Variants in TNFSF4 observed in about 807,000 individuals in gnomAD.
TNFSF4 encodes TNF superfamily member 4, also known as tumor necrosis factor ligand superfamily member 4.
Under a neutral mutation model 7.3 loss-of-function variants are expected in TNFSF4, and 4 were observed. The ratio of observed to expected loss-of-function variants is 0.55; its 90% CI spans 0.27 to 1.25. The LOEUF (loss-of-function observed/expected upper bound fraction) is 1.25. Ranked by LOEUF, TNFSF4 falls within the 50% of genes most tolerant of loss-of-function variation. The probability of loss-of-function intolerance (pLI) is 0.12; values close to 1 mark genes in which losing one functional copy is unlikely to be tolerated. For missense variants in TNFSF4, 181 were observed against 208.8 expected, an observed-to-expected ratio of 0.87 and a Z score of 0.82; for synonymous variants, 76 against 83.7, an observed-to-expected ratio of 0.91 and a Z score of 0.50.
the TNFSF4 span, among the ~76,000 whole-genome samples, chr1:173,232,319 G>A: frequency 6.6e-6 from 1 of 152,164 alleles, no homozygotes; most frequent in African/African-American, 2.4e-5. Flanking sequence ...CATTGATTTT[G>A]TATCCTGAGA....
At chr1:173,231,627 A>C in the TNFSF4 span, among the ~76,000 whole-genome samples, 3 of 152,118 alleles carry the variant, frequency 2.0e-5, no homozygotes, top group African/African-American at 7.2e-5. Flanking sequence ...AATAAAAGGA[A>C]TTTTATTTAT....
chr1:173,246,101 T>C, the TNFSF4 span, among the ~76,000 whole-genome samples: 1 of 152,202 alleles, frequency 6.6e-6, no homozygotes, highest in Admixed American at 6.5e-5. Flanking sequence ...AGTAGGGGAA[T>C]TGCTGGATCT....
the TNFSF4 span, among the ~76,000 whole-genome samples, chr1:173,353,480 T>C: frequency 6.6e-6 from 1 of 152,334 alleles, no homozygotes; most frequent in Non-Finnish European, 1.5e-5. Flanking sequence ...CATGTGTGTA[T>C]GGCTAAAATT....
At chr1:173,214,805 A>G in the TNFSF4 span, among the ~76,000 whole-genome samples, 1 of 152,134 alleles carries the variant, frequency 6.6e-6, no homozygotes, top group Admixed American at 6.5e-5. Context: ...CTTTCATTCA[A>G]TCCTCCTGCG....
At chr1:173,428,023 C>T in the TNFSF4 span, among the ~76,000 whole-genome samples, 1 of 150,388 alleles carries the variant, frequency 6.6e-6, no homozygotes, top group Non-Finnish European at 1.5e-5. Context: ...TCTTGGCTCA[C>T]TGCAACCTTC....
At chr1:173,415,427 G>C in the TNFSF4 span, among the ~76,000 whole-genome samples, 2 of 152,212 alleles carry the variant, frequency 1.3e-5, no homozygotes, top group African/African-American at 4.8e-5. Context: ...TTAGGAAAAG[G>C]AAGATAGAAG....
chr1:173,341,871 G>C, the TNFSF4 span, among the ~76,000 whole-genome samples: 1 of 152,056 alleles, frequency 6.6e-6, no homozygotes, highest in Admixed American at 6.6e-5. Context: ...TCCTGTCCCA[G>C]ACCCCAAGTC....
At chr1:173,394,987 C>CAG in the TNFSF4 span, among the ~76,000 whole-genome samples, 3,094 of 126,634 alleles carry the variant, frequency 0.024, 188 homozygotes, top group African/African-American at 0.091. Flanking sequence ...ATAGAGGACA[C>CAG]ATAGATAGAT....
the TNFSF4 span, among the ~76,000 whole-genome samples, chr1:173,331,865 C>T: frequency 2.6e-5 from 4 of 152,258 alleles, no homozygotes; most frequent in Non-Finnish European, 4.4e-5. Flanking sequence ...AATAACAAAG[C>T]TCAAGATCAG....
At chr1:173,192,638 A>G (rs2101987507) in intron 1 of TNFSF4, among the ~76,000 whole-genome samples, 1 of 152,288 alleles carries the variant, frequency 6.6e-6, no homozygotes, top group Non-Finnish European at 1.5e-5. Context: ...AATGGTGAAT[A>G]CATGTCATTA....
chr1:173,210,105 G>T (rs1350373839), upstream of TNFSF4, among the ~76,000 whole-genome samples: 3 of 151,370 alleles, frequency 2.0e-5, no homozygotes, highest in African/African-American at 7.3e-5. Flanking sequence ...TTGGTTTTGG[G>T]GTTTTTTGGT....
At chr1:173,245,828 G>C in the TNFSF4 span, among the ~76,000 whole-genome samples, 1 of 152,144 alleles carries the variant, frequency 6.6e-6, no homozygotes, top group Non-Finnish European at 1.5e-5. Flanking sequence ...GCATATGAGT[G>C]AGATTATGTG....
the TNFSF4 span, among the ~76,000 whole-genome samples, chr1:173,240,256 G>A: frequency 2.6e-5 from 4 of 152,004 alleles, no homozygotes; most frequent in African/African-American, 9.7e-5. Context: ...TCAAGGTAGG[G>A]CCTCTTGTTG....
chr1:173,269,273 T>A, the TNFSF4 span, among the ~76,000 whole-genome samples: 1 of 152,146 alleles, frequency 6.6e-6, no homozygotes, highest in Non-Finnish European at 1.5e-5. Context: ...AGTGGATACC[T>A]GAAACCACAG....
At chr1:173,406,322 T>G in the TNFSF4 span, among the ~76,000 whole-genome samples, 1 of 152,208 alleles carries the variant, frequency 6.6e-6, no homozygotes. Context: ...TGTACTCTAT[T>G]CTTGTCTGCC....
At chr1:173,241,133 C>G in the TNFSF4 span, among the ~76,000 whole-genome samples, 2 of 152,142 alleles carry the variant, frequency 1.3e-5, no homozygotes, top group African/African-American at 2.4e-5. Flanking sequence ...CAAGAAAAAA[C>G]TTTGTTGGGA....
At chr1:173,177,307 C>A in the TNFSF4 span, among the ~76,000 whole-genome samples, 4 of 152,112 alleles carry the variant, frequency 2.6e-5, no homozygotes, top group Non-Finnish European at 5.9e-5. Flanking sequence ...ATGGATGGAG[C>A]TGGAAGCCAT....
At chr1:173,195,644 G>A (rs1649666665) in intron 1 of TNFSF4, among the ~76,000 whole-genome samples, 1 of 152,242 alleles carries the variant, frequency 6.6e-6, no homozygotes, top group Non-Finnish European at 1.5e-5. Flanking sequence ...TCACTAGGAT[G>A]TGGTATGGGG....
the TNFSF4 span, among the ~76,000 whole-genome samples, chr1:173,409,267 C>A: frequency 6.6e-6 from 1 of 152,164 alleles, no homozygotes; most frequent in Non-Finnish European, 1.5e-5. Flanking sequence ...CAAAGAGGCA[C>A]AACAACCAAA....
Sources: gnomAD v4.1 joint callset for allele counts (sites outside exome capture counted in the v4.1 genomes callset) on GRCh38, gnomAD v4.1.1 for gene constraint, MANE v1.5 for transcripts, NCBI Gene and HGNC (gene_info 2026-07-23, HGNC 2026-07-21) for gene names.